Variants in CFAP299 observed in about 807,000 individuals in gnomAD.
CFAP299 encodes cilia- and flagella-associated protein 299.
A neutral mutation model predicts 27.0 loss-of-function variants in CFAP299; 21 were observed. The observed-to-expected ratio is 0.78, with a 90% CI of 0.55 to 1.12. The LOEUF (loss-of-function observed/expected upper bound fraction) is 1.12, where lower values mean the gene tolerates loss of function less well. CFAP299 is among the 50% of genes most tolerant of loss of function. CFAP299 has a pLI of 0.00. For missense variants in CFAP299, 310 were observed against 276.6 expected, an observed-to-expected ratio of 1.12 and a Z score of -0.86; for synonymous variants, 104 against 98.1, an observed-to-expected ratio of 1.06 and a Z score of -0.36.
chr4:80,955,323 T>C (rs1379646175), intron 5 of CFAP299, among the ~76,000 whole-genome samples: 1 of 152,168 alleles, frequency 6.6e-6, no homozygotes, highest in East Asian at 1.9e-4. Context: ...CTTCACCCTT[T>C]TGAGCACTTC....
rs142532414 is a variant in CFAP299 at position 80,417,416 on chromosome 4, T to A, written c.242+54532T>A. Among the ~76,000 whole-genome samples the A allele has an allele frequency of 6.2e-3, 940 of 152,202 alleles. 2 individuals are homozygous for A. The highest frequency in any genetic ancestry group is 0.024 in the Middle Eastern group (7 of 294). On this transcript the variant is annotated intron_variant, in intron 2 of 5. Transcript: ENST00000358105. ...AATGCAGCCCAGGAGGTCTCAGCCT[T>A]ATTTTACCCAGCCCCTATTCAAGAT...
At chr4:80,469,823 A>ATATT (rs942919356) in intron 2 of CFAP299, among the ~76,000 whole-genome samples, 1 of 152,148 alleles carries the variant, frequency 6.6e-6, no homozygotes, top group African/African-American at 2.4e-5. Context: ...GTCTTCTTGT[A>ATATT]TATTTACCTG....
chr4:80,756,332 G>GA (rs1385958659), intron 3 of CFAP299, among the ~76,000 whole-genome samples: 10 of 151,928 alleles, frequency 6.6e-5, no homozygotes, highest in Non-Finnish European at 8.8e-5. Context: ...CCCTAAGCAT[G>GA]AAAATATATT....
chr4:80,423,018 T>A (rs917887356), intron 2 of CFAP299, among the ~76,000 whole-genome samples: 5 of 152,232 alleles, frequency 3.3e-5, no homozygotes, highest in Non-Finnish European at 7.3e-5. Flanking sequence ...AACACAATGA[T>A]ATTTGTATAT....
intron 3 of CFAP299, among the ~76,000 whole-genome samples, chr4:80,825,404 A>G (rs1388203453): frequency 6.7e-6 from 1 of 149,640 alleles, no homozygotes; most frequent in Admixed American, 6.7e-5. Flanking sequence ...GCATATAAAC[A>G]TATGAGTAAC....
chr4:80,721,633 A>T (rs1040577760), intron 3 of CFAP299, among the ~76,000 whole-genome samples: 3 of 152,198 alleles, frequency 2.0e-5, no homozygotes, highest in Admixed American at 6.5e-5. Flanking sequence ...TTTGGGGGGA[A>T]CTCAATTCAG....
At chr4:80,384,947 T>C (rs1396264620) in intron 2 of CFAP299, among the ~76,000 whole-genome samples, 2 of 152,172 alleles carry the variant, frequency 1.3e-5, no homozygotes, top group African/African-American at 4.8e-5. Context: ...ATTATATATA[T>C]TTGTATGTAT....
chr4:80,886,141 G>T (rs1733959193), intron 4 of CFAP299, among the ~76,000 whole-genome samples: 1 of 152,210 alleles, frequency 6.6e-6, no homozygotes, highest in East Asian at 1.9e-4. Context: ...GGAAGGAAGA[G>T]CAGGAATCAC....
At chr4:80,418,752 C>T (rs1048724643) in intron 2 of CFAP299, among the ~76,000 whole-genome samples, 15 of 152,068 alleles carry the variant, frequency 9.9e-5, no homozygotes, top group African/African-American at 3.6e-4. Flanking sequence ...AGTATTTGTC[C>T]GTACGTATTG....
chr4:80,480,091 T>TAA (rs1480713402), intron 2 of CFAP299, among the ~76,000 whole-genome samples: 1 of 151,906 alleles, frequency 6.6e-6, no homozygotes, highest in African/African-American at 2.4e-5. Flanking sequence ...CATTTTTTTT[T>TAA]AAAAAAGTTG....
chr4:80,761,004 C>T (rs183747882), intron 3 of CFAP299, among the ~76,000 whole-genome samples: 1 of 152,216 alleles, frequency 6.6e-6, no homozygotes, highest in Admixed American at 6.5e-5. Context: ...AATAGGTAAT[C>T]ATTGATGAAC....
At chr4:80,499,975 TTTTG>T (rs1236193735) in intron 2 of CFAP299, among the ~76,000 whole-genome samples, 6 of 152,098 alleles carry the variant, frequency 3.9e-5, no homozygotes, top group African/African-American at 4.8e-5. Context: ...TTCATTTTTT[TTTTG>T]TTTGTTTGTT....
chr4:80,870,771 T>C (rs1733038653), intron 4 of CFAP299: 9 of 985,340 alleles, frequency 9.1e-6, no homozygotes, highest in Non-Finnish European at 1.1e-5. Flanking sequence ...GTAGCAGCAT[T>C]ATGCTTTAAC....
At chr4:80,628,349 C>T (rs1351859030) in intron 3 of CFAP299, among the ~76,000 whole-genome samples, 1 of 152,050 alleles carries the variant, frequency 6.6e-6, no homozygotes, top group East Asian at 1.9e-4. Flanking sequence ...GGATTAAAGA[C>T]TTACATGTAA....
intron 2 of CFAP299, among the ~76,000 whole-genome samples, chr4:80,483,811 A>T (rs1730682446): frequency 6.6e-6 from 1 of 152,134 alleles, no homozygotes; most frequent in African/African-American, 2.4e-5. Context: ...GGAAACTTTG[A>T]ATCTCTTGTG....
chr4:80,722,588 C>G (rs1722892495), intron 3 of CFAP299, among the ~76,000 whole-genome samples: 1 of 151,858 alleles, frequency 6.6e-6, no homozygotes, highest in African/African-American at 2.4e-5. Flanking sequence ...TTAAAACTCT[C>G]AAAACTTAAT....
At chr4:80,932,448 C>A (rs1736669594) in intron 4 of CFAP299, among the ~76,000 whole-genome samples, 1 of 151,988 alleles carries the variant, frequency 6.6e-6, no homozygotes, top group African/African-American at 2.4e-5. Flanking sequence ...TATATTTTTA[C>A]ATGGAATATA....
chr4:80,682,831 C>T (rs1404245644), intron 3 of CFAP299, among the ~76,000 whole-genome samples: 1 of 152,134 alleles, frequency 6.6e-6, no homozygotes, highest in Non-Finnish European at 1.5e-5. Flanking sequence ...CATATTAAAA[C>T]TTCTTCCTAG....
chr4:80,683,801 C>T (rs1343120664), intron 3 of CFAP299, among the ~76,000 whole-genome samples: 1 of 152,178 alleles, frequency 6.6e-6, no homozygotes, highest in East Asian at 1.9e-4. Flanking sequence ...ATTTATCAAG[C>T]ATGTACTATT....
Sources: gnomAD v4.1 joint callset for allele counts (sites outside exome capture counted in the v4.1 genomes callset) on GRCh38, gnomAD v4.1.1 for gene constraint, MANE v1.5 for transcripts, NCBI Gene and HGNC (gene_info 2026-07-23, HGNC 2026-07-21) for gene names.